Variants in IQSEC3 observed in about 807,000 individuals in gnomAD.
IQSEC3 encodes the protein IQ motif and SEC7 domain-containing protein 3.
A neutral mutation model predicts 105.4 loss-of-function variants in IQSEC3; 50 were observed. That is an observed-to-expected ratio of 0.47 (90% confidence interval 0.38 to 0.60). The LOEUF (loss-of-function observed/expected upper bound fraction) is 0.60, where lower values mean the gene tolerates loss of function less well. Ranked by LOEUF, IQSEC3 falls within the 20% of genes least tolerant of loss-of-function variation. IQSEC3 has a pLI of 0.00. For missense variants in IQSEC3, 1,415 were observed against 1,630.0 expected (o/e 0.87, Z 2.27); for synonymous variants, 708 against 746.0 (o/e 0.95, Z 0.83).
chr12:135,925 A>T (rs1555086275), intron 3 of IQSEC3, among the ~76,000 whole-genome samples: 2 of 152,248 alleles, frequency 1.3e-5, no homozygotes, highest in Non-Finnish European at 2.9e-5. Context: ...AACCCAGATG[A>T]GCTGTGCCCA....
intron 8 of IQSEC3, among the ~76,000 whole-genome samples, chr12:163,087 CGAG>C (rs1866974284): frequency 6.6e-6 from 1 of 151,918 alleles, no homozygotes; most frequent in Non-Finnish European, 1.5e-5. Flanking sequence ...GAGCCTCAGA[CGAG>C]GAGAGAGAAG....
At chr12:99,938 G>A (rs1224425182) in intron 2 of IQSEC3, among the ~76,000 whole-genome samples, 12 of 73,842 alleles carry the variant, frequency 1.6e-4, no homozygotes, top group South Asian at 5.0e-4. Context: ...CTCCCCACCC[G>A]CCCCCCGATC....
intron 5 of IQSEC3, chr12:142,668 C>T (rs4980846): frequency 0.97 from 147,213 of 152,328 alleles, 71,326 homozygotes; most frequent in East Asian, 1. Flanking sequence ...CTAGGCAGCG[C>T]CTCCCTCTCA....
intron 1 of IQSEC3, among the ~76,000 whole-genome samples, chr12:79,759 G>A (rs782275494): frequency 4.6e-5 from 7 of 152,190 alleles, no homozygotes; most frequent in African/African-American, 9.7e-5. Flanking sequence ...AAAGAAAAGA[G>A]TTTACAGTGA....
intron 2 of IQSEC3, among the ~76,000 whole-genome samples, chr12:124,985 G>A (rs886797721): frequency 3.9e-5 from 6 of 152,088 alleles, no homozygotes; most frequent in South Asian, 2.1e-4. Context: ...CTTCACAGCC[G>A]CAGCCCCCAC....
intron 13 of IQSEC3, among the ~76,000 whole-genome samples, chr12:173,630 AGAG>A (rs1156636446): frequency 6.6e-6 from 1 of 152,160 alleles, no homozygotes; most frequent in Non-Finnish European, 1.5e-5. Context: ...AGATCCTCAG[AGAG>A]GAGGAGGGTC....
intron 2 of IQSEC3, among the ~76,000 whole-genome samples, chr12:109,123 C>T (rs1406542499): frequency 6.6e-6 from 1 of 152,246 alleles, no homozygotes; most frequent in Non-Finnish European, 1.5e-5. Context: ...CTGGCATTTT[C>T]TATCACCTGT....
At chr12:82,169 G>A (rs1294736309) in intron 1 of IQSEC3, among the ~76,000 whole-genome samples, 6 of 152,186 alleles carry the variant, frequency 3.9e-5, no homozygotes, top group Admixed American at 3.9e-4. Flanking sequence ...GAAGTATTAG[G>A]TGATGTTAGA....
intron 1 of IQSEC3, among the ~76,000 whole-genome samples, chr12:93,710 A>G (rs1169319398): frequency 6.6e-6 from 1 of 152,166 alleles, no homozygotes; most frequent in Non-Finnish European, 1.5e-5. Context: ...TCCAAACCTC[A>G]CGTGGAAATT....
intron 1 of IQSEC3, among the ~76,000 whole-genome samples, chr12:68,973 C>CATTTTT (rs1178121836): frequency 5.9e-5 from 9 of 152,086 alleles, no homozygotes; most frequent in Non-Finnish European, 1.3e-4. Context: ...CTCAGTTTCA[C>CATTTTT]ATTTTTATTT....
Position 123,241 on chromosome 12 carries a change from C to CA in IQSEC3, c.624-2384dup, listed in dbSNP as rs556976586. Among the ~76,000 whole-genome samples, 22 of 151,984 alleles carry CA rather than the reference C, an allele frequency of 1.4e-4. No individual in the cohort carries two copies. In the South Asian group the frequency reaches 4.4e-3, roughly 30 times the overall value. Reference sequence around the variant, plus strand: ...GCAACATAGTGGGACCCTGTCTCTACAAAAAAAATTTAAAAATTTGCCCGG... The same window carrying CA: ...GCAACATAGTGGGACCCTGTCTCTACAAAAAAAAATTTAAAAATTTGCCCGG... On this transcript the variant is annotated intron_variant, in intron 2 of 13. Transcript: ENST00000538872.
chr12:151,047 C>T lies in IQSEC3; in HGVS notation c.2154-5978C>T, dbSNP rs568064795. Among the ~76,000 whole-genome samples the T allele has an allele frequency of 8.0e-4, 118 of 147,686 alleles. 5 individuals carry two copies. The highest frequency in any genetic ancestry group is 1.5e-3 in the Non-Finnish European group (103 of 66,964). On this transcript the variant is annotated intron_variant, in intron 5 of 13. Transcript: ENST00000538872. The stretch of plus-strand genomic sequence containing the variant: ...CTGAGATGATTCAGTAGAGGGGAGG[C>T]ACGGTAGCTATCTGAAAGAACACCT...
At chr12:103,064 C>A (rs781805974) in intron 2 of IQSEC3, among the ~76,000 whole-genome samples, 2 of 152,228 alleles carry the variant, frequency 1.3e-5, no homozygotes, top group East Asian at 3.9e-4. Context: ...GAAAAGATCG[C>A]CCCCTGGTCG....
chr12:99,786 G>A (rs1555075693), intron 2 of IQSEC3, among the ~76,000 whole-genome samples: 1 of 152,088 alleles, frequency 6.6e-6, no homozygotes, highest in African/African-American at 2.4e-5. Flanking sequence ...GTTTTTTCCT[G>A]GGTTATCCTC....
At chr12:158,259 T>C (rs1401268545) in intron 7 of IQSEC3, among the ~76,000 whole-genome samples, 4 of 152,124 alleles carry the variant, frequency 2.6e-5, no homozygotes, top group Non-Finnish European at 5.9e-5. Context: ...AGGCTTATCA[T>C]AGAAAAAAAT....
At position 174,600 on chromosome 12, in the gene IQSEC3, T is replaced by G; in HGVS notation, c.3116T>G (p.Val1039Gly). 6.5e-7 allele frequency: 1 copy of G among 1,529,032 alleles called. No homozygotes were observed. Among genetic ancestry groups the G allele is most frequent in the East Asian group, 2.3e-5 (1 of 43,976 alleles). The allele number at this position is 1,529,032 out of a possible 1,614,324, so 94.7% of individuals were successfully genotyped here. Residue 1039 changes from valine (V) to glycine (G), a missense_variant and splice_region_variant, in exon 14 of 14, where the codon GTG (valine) becomes GGG (glycine). This residue lies in a region of IQSEC3 where 419 missense variants were observed against 436.2 expected (regional missense o/e 0.96). Coordinates refer to ENST00000538872, the MANE Select transcript of IQSEC3 (RefSeq NM_001170738.2). ...CTTCTCTGGCTGTTTCTAAACTAGG[T>G]GTCAATTCACAACAGGCTTCAAACG... Reference protein sequence around the residue: ...RERPAESTVEVSIHNRLQTSQ... With the variant: ...RERPAESTVEGSIHNRLQTSQ...
chr12:157,855 G>A (rs191192871), intron 7 of IQSEC3, among the ~76,000 whole-genome samples, 161 bp downstream of exon 7: 8 of 152,356 alleles, frequency 5.3e-5, no homozygotes, highest in East Asian at 1.9e-4. Context: ...TGAGCCAGGC[G>A]GCTGGGGAGT....
intron 7 of IQSEC3, among the ~76,000 whole-genome samples, chr12:159,534 C>T (rs1030773634): frequency 2.0e-5 from 3 of 152,234 alleles, no homozygotes; most frequent in Admixed American, 6.5e-5. Flanking sequence ...CCTCAAAACA[C>T]GCCAATCAGG....
intron 5 of IQSEC3, among the ~76,000 whole-genome samples, chr12:146,708 G>A (rs928735699): frequency 6.6e-6 from 1 of 150,510 alleles, no homozygotes; most frequent in Admixed American, 6.6e-5. Context: ...GGGAGGAAGG[G>A]AGGGAGGGAG....
Sources: gnomAD v4.1 joint callset for allele counts (sites outside exome capture counted in the v4.1 genomes callset) on GRCh38, gnomAD v4.1.1 for gene constraint, gnomAD v4.1.1 regional missense constraint, MANE v1.5 for transcripts, NCBI Gene and HGNC (gene_info 2026-07-23, HGNC 2026-07-21) for gene names.